The following IL17D variants were observed in gnomAD, a reference collection of about 807,000 sequenced individuals.
The protein encoded by IL17D is interleukin-17D.
Under a neutral mutation model 5.7 loss-of-function variants are expected in IL17D, and 10 were observed. The ratio of observed to expected loss-of-function variants is 1.75; its 90% CI spans 1.08 to 2.97. The LOEUF (loss-of-function observed/expected upper bound fraction) is 2.97, where lower values mean the gene tolerates loss of function less well. Among genes scored for constraint, IL17D ranks in the 30% most tolerant of loss-of-function variants. The pLI is 0.00. For missense variants in IL17D, 354 were observed against 292.7 expected (o/e 1.21, Z -1.53); for synonymous variants, 172 against 141.7 (o/e 1.21, Z -1.52).
chr13:20,704,621 T>C (rs949052831), intron 1 of IL17D, among the ~76,000 whole-genome samples: 1 of 152,020 alleles, frequency 6.6e-6, no homozygotes. Context: ...CCACCTCCCT[T>C]GAAGGAGTCC....
intron 1 of IL17D, 94 bp from the exon 2 acceptor site, chr13:20,721,542 C>A: frequency 9.3e-7 from 1 of 1,071,368 alleles, no homozygotes; most frequent in Non-Finnish European, 1.3e-6. Context: ...CAGGACAGTC[C>A]CCGAGGCCCT....
At position 20,722,223 on chromosome 13, in the gene IL17D, G is replaced by A. The variant is rs2058742718; in HGVS notation, c.*269G>A. 4.3e-6 allele frequency: 2 copies of A among 462,340 alleles called. No homozygotes were observed. Among genetic ancestry groups the A allele is most frequent in the Non-Finnish European group, 7.6e-6 (2 of 262,540 alleles). The allele number at this position is 462,340 out of a possible 1,614,324, so 28.6% of individuals were successfully genotyped here. On this transcript the variant is annotated 3_prime_UTR_variant, in exon 2 of 2. Coordinates refer to ENST00000682841, the MANE Select transcript of IL17D (RefSeq NM_001385224.1). ...GCATCCTGTGTGCGGCCCGCATGGA[G>A]GGTTTGGAAAAGTTCACGGAGGCTC...
chr13:20,711,095 G>T (rs1484489253), intron 1 of IL17D, among the ~76,000 whole-genome samples: 1 of 151,734 alleles, frequency 6.6e-6, no homozygotes, highest in Non-Finnish European at 1.5e-5. Context: ...AGAAACCCCA[G>T]CTCTACTACA....
intron 1 of IL17D, chr13:20,712,502 A>C (rs2058646785): frequency 6.6e-6 from 1 of 152,346 alleles, no homozygotes; most frequent in Non-Finnish European, 1.5e-5. Context: ...GGCCAAGAGA[A>C]TCGCTTGAAC....
upstream of IL17D, chr13:20,702,513 A>G (rs2058553267): frequency 1.3e-5 from 2 of 152,216 alleles, no homozygotes; most frequent in Admixed American, 1.3e-4. Context: ...AAATGATCAT[A>G]TTCTTTAGCC....
chr13:20,712,673 T>TA (rs533898882), intron 1 of IL17D: 27,617 of 136,904 alleles, frequency 0.2, 2,840 homozygotes, highest in African/African-American at 0.25. Flanking sequence ...GTGCCGACGC[T>TA]AAAAAAAAAA....
intron 1 of IL17D, among the ~76,000 whole-genome samples, chr13:20,718,738 TCA>T (rs139291797): frequency 0.034 from 3,223 of 94,216 alleles, 146 homozygotes; most frequent in African/African-American, 0.11. Context: ...ATGGCTACGC[TCA>T]CACACACCTG....
At position 20,709,044 on chromosome 13, in the gene IL17D, G is replaced by A. The variant is rs546757959; in HGVS notation, c.290+4753G>A. Among the ~76,000 whole-genome samples, 23 of 151,632 alleles carry A rather than the reference G, an allele frequency of 1.5e-4. No individual in the cohort carries two copies. The East Asian group carries it at 3.5e-3, about 23-fold the overall frequency. ...ATGAGCAAAGATCGGGACTGTTCCC[G>A]GGGAAGGAAGGTCAAATGACTCAAA... On this transcript the variant is annotated intron_variant, in intron 1 of 1. Transcript: ENST00000682841.
chr13:20,716,352 C>G lies in IL17D; in HGVS notation c.291-5284C>G, dbSNP rs2058679389. On this transcript the variant is annotated intron_variant, in intron 1 of 1. Coordinates refer to ENST00000682841, the MANE Select transcript of IL17D (RefSeq NM_001385224.1). The surrounding 1 kb of genome is among the most constrained non-coding windows in gnomAD (Gnocchi z 4.2). Reference sequence around the variant, plus strand: ...TCTATGAATTTTAGGATCAGCTTGCCAAGTTCTCAGAGAAATCTTTCTGGG... The same window carrying G: ...TCTATGAATTTTAGGATCAGCTTGCGAAGTTCTCAGAGAAATCTTTCTGGG... Among the ~76,000 whole-genome samples the G allele has an allele frequency of 6.6e-6, 1 of 152,160 alleles. No homozygotes were observed. The highest frequency in any genetic ancestry group is 2.4e-5 in the African/African-American group (1 of 41,442).
Position 20,704,249 on chromosome 13 carries a change from G to C in IL17D, c.248G>C (p.Arg83Pro). 7.6e-7 allele frequency: 1 copy of C among 1,310,232 alleles called. No individual in the cohort carries two copies. The highest frequency in any genetic ancestry group is 9.7e-7 in the Non-Finnish European group (1 of 1,031,032). 81.2% of individuals were successfully genotyped at this position (1,310,232 alleles called of 1,614,324 possible). ...AGGRPADRRF[R>P]PPTNLRSVSP... ...GGCAGGCCCGCCGACCGCCGCTTCC[G>C]GCCGCCCACCAACCTGCGCAGCGTG... is the stretch of plus-strand genomic sequence containing the variant. Residue 83 changes from arginine (R) to proline (P), a missense_variant, in exon 1 of 2, where the codon CGG becomes CCG. Physicochemically the swap from Arg to Pro is moderately radical, Grantham distance 103. Transcript: ENST00000682841.
At chr13:20,707,930 T>C (rs2058603067) in intron 1 of IL17D, among the ~76,000 whole-genome samples, 1 of 152,182 alleles carries the variant, frequency 6.6e-6, no homozygotes, top group South Asian at 2.1e-4. Context: ...TTCTTTCTTT[T>C]GAGACAGGGT....
chr13:20,720,259 A>G (rs1019903016), intron 1 of IL17D, among the ~76,000 whole-genome samples: 1 of 152,024 alleles, frequency 6.6e-6, no homozygotes, highest in African/African-American at 2.4e-5. Context: ...TTTAACCACC[A>G]TCTATCGGTG....
chr13:20,714,539 C>A (rs897838046), intron 1 of IL17D, among the ~76,000 whole-genome samples: 1 of 152,330 alleles, frequency 6.6e-6, no homozygotes, highest in African/African-American at 2.4e-5. Context: ...CTTCTTTTTC[C>A]TAATAGCCCT....
Position 20,721,724 on chromosome 13 carries a change from G to A in IL17D, c.379G>A (p.Glu127Lys), listed in dbSNP as rs2058737367. 4 of 1,611,024 alleles carry A rather than the reference G, an allele frequency of 2.5e-6. No homozygotes were observed. The highest frequency in any genetic ancestry group is 1.1e-5 in the South Asian group (1 of 91,000). Residue 127 changes from glutamate (E) to lysine (K), a missense_variant, in exon 2 of 2, where the codon GAG becomes AAG. By Grantham distance (56) the Glu-to-Lys change is moderately conservative. Coordinates refer to ENST00000682841, the MANE Select transcript of IL17D (RefSeq NM_001385224.1). ...CTGCCTGACCGGGCTGTTCGGCGAG[G>A]AGGACGTGCGCTTCCGCAGCGCCCC... is the stretch of plus-strand genomic sequence containing the variant. ...RGCLTGLFGE[E>K]DVRFRSAPVY...
intron 1 of IL17D, among the ~76,000 whole-genome samples, chr13:20,704,884 C>A (rs571778238): frequency 2.2e-4 from 34 of 152,180 alleles, no homozygotes; most frequent in African/African-American, 6.5e-4. Flanking sequence ...GAAGCGCCCT[C>A]TGAGCCCCTC....
chr13:20,713,810 C>A (rs2058658817), intron 1 of IL17D: 1 of 152,264 alleles, frequency 6.6e-6, no homozygotes, highest in Non-Finnish European at 1.5e-5. Context: ...AATGAGCACA[C>A]TGCTCACTAA....
intron 1 of IL17D, chr13:20,717,054 G>A (rs1001578025): frequency 6.6e-6 from 1 of 152,250 alleles, no homozygotes; most frequent in Non-Finnish European, 1.5e-5. Flanking sequence ...CCCAGGGGCA[G>A]GGCTCTTTTT....
At chr13:20,718,802 GCTCACCCCTGCCCACA>G (rs1490338541) in intron 1 of IL17D, among the ~76,000 whole-genome samples, 2 of 116,076 alleles carry the variant, frequency 1.7e-5, no homozygotes, top group African/African-American at 6.8e-5. Context: ...ACCTGCCCAC[GCTCACCCCTGCCCACA>G]CACACCTGCC....
At chr13:20,703,568 G>A, upstream of IL17D, 2 of 314,054 alleles carry the variant, frequency 6.4e-6, no homozygotes, top group Non-Finnish European at 9.3e-6. Flanking sequence ...CGGCGGGTCC[G>A]GGCGTCTTAG....
Sources: gnomAD v4.1 joint callset for allele counts (sites outside exome capture counted in the v4.1 genomes callset) on GRCh38, gnomAD v4.1.1 for gene constraint, Gnocchi (gnomAD v3.1) non-coding constraint, MANE v1.5 for transcripts, NCBI Gene and HGNC (gene_info 2026-07-23, HGNC 2026-07-21) for gene names.